Variants in CTNND2 observed in about 807,000 individuals in gnomAD.
CTNND2 encodes catenin delta 2, also known as catenin delta-2.
Under a neutral mutation model 144.4 loss-of-function variants are expected in CTNND2, and 22 were observed. The observed-to-expected ratio is 0.15, with a 90% CI of 0.11 to 0.22. The LOEUF (loss-of-function observed/expected upper bound fraction) is 0.22. Among genes scored for constraint, CTNND2 ranks in the 10% least tolerant of loss-of-function variants. The pLI is 1.00. For missense variants in CTNND2, 1,353 were observed against 1,618.8 expected (o/e 0.84, Z 2.82); for synonymous variants, 751 against 695.6 (o/e 1.08, Z -1.25).
At chr5:11,724,264 A>C (rs1368549020) in intron 2 of CTNND2, among the ~76,000 whole-genome samples, 1 of 152,028 alleles carries the variant, frequency 6.6e-6, no homozygotes, top group Non-Finnish European at 1.5e-5. Flanking sequence ...TCACCAAATC[A>C]CTGCAGCATT....
At chr5:11,722,450 A>G (rs1184311000) in intron 2 of CTNND2, among the ~76,000 whole-genome samples, 1 of 152,250 alleles carries the variant, frequency 6.6e-6, no homozygotes, top group Non-Finnish European at 1.5e-5. Flanking sequence ...AAAAGTGCCA[A>G]CAATAAAAGA....
At chr5:11,497,243 C>T (rs1455154574) in intron 3 of CTNND2, among the ~76,000 whole-genome samples, 3 of 150,980 alleles carry the variant, frequency 2.0e-5, no homozygotes. Context: ...TTTTTAATAC[C>T]ATACCAGGTA....
At chr5:11,205,628 T>C (rs1170375811) in intron 10 of CTNND2, among the ~76,000 whole-genome samples, 2 of 152,214 alleles carry the variant, frequency 1.3e-5, no homozygotes, top group East Asian at 3.8e-4. Flanking sequence ...TTACTCTTAT[T>C]GAAAAGCCAG....
chr5:11,782,460 A>C (rs903630965), intron 1 of CTNND2, among the ~76,000 whole-genome samples: 1 of 152,240 alleles, frequency 6.6e-6, no homozygotes, highest in African/African-American at 2.4e-5. Context: ...TCATGAGGGC[A>C]ATAAAGGTCT....
At chr5:11,510,743 C>A (rs916268874) in intron 3 of CTNND2, among the ~76,000 whole-genome samples, 3 of 152,048 alleles carry the variant, frequency 2.0e-5, no homozygotes, top group African/African-American at 7.2e-5. Context: ...CCAGCCTGGC[C>A]AACATGGTGA....
intron 9 of CTNND2, 24 bp downstream of exon 9, chr5:11,346,348 G>A: frequency 7.1e-7 from 1 of 1,413,384 alleles, no homozygotes; most frequent in Non-Finnish European, 9.3e-7. Flanking sequence ...GACATCATAG[G>A]GAAAGAAAAA....
At chr5:11,622,824 G>A (rs1027515669) in intron 2 of CTNND2, among the ~76,000 whole-genome samples, 4 of 151,996 alleles carry the variant, frequency 2.6e-5, no homozygotes, top group Non-Finnish European at 5.9e-5. Context: ...AAGCAAACAC[G>A]CAAGTAAAAC....
At chr5:11,619,642 G>A (rs774661081) in intron 2 of CTNND2, among the ~76,000 whole-genome samples, 27 of 152,112 alleles carry the variant, frequency 1.8e-4, no homozygotes, top group Non-Finnish European at 3.8e-4. Flanking sequence ...TTTGCATGAT[G>A]GCATAGAAAG....
At chr5:11,422,559 G>A (rs1175458667) in intron 3 of CTNND2, among the ~76,000 whole-genome samples, 3 of 152,168 alleles carry the variant, frequency 2.0e-5, no homozygotes, top group African/African-American at 7.2e-5. Flanking sequence ...CTGGACACAC[G>A]CGACTCCTGT....
chr5:11,413,091 G>T (rs1761671887), intron 3 of CTNND2, among the ~76,000 whole-genome samples: 2 of 152,106 alleles, frequency 1.3e-5, no homozygotes, highest in Admixed American at 1.3e-4. Context: ...CTGTTATGGG[G>T]TATCTTGCCC....
intron 9 of CTNND2, among the ~76,000 whole-genome samples, chr5:11,323,653 T>G (rs572404140): frequency 6.6e-6 from 1 of 152,312 alleles, no homozygotes; most frequent in South Asian, 2.1e-4. Context: ...TTAGACATGT[T>G]GGGTTTGAGA....
At position 11,771,211 on chromosome 5, in the gene CTNND2, G is replaced by GTTTTTTTTA. The variant is rs1302426806; in HGVS notation, c.38-38940_38-38939insTAAAAAAAA. Among the ~76,000 whole-genome samples the GTTTTTTTTA allele has an allele frequency of 5.7e-4, 72 of 125,306 alleles. 2 individuals carry two copies. Among genetic ancestry groups the GTTTTTTTTA allele is most frequent in the African/African-American group, 1.2e-3 (40 of 32,798 alleles). The allele number at this position is 125,306 out of a possible 152,430, so 82.2% of individuals were successfully genotyped here. ...TGTTAGCTTTTTTTTTTTTTTTTTG[G>GTTTTTTTTA]GATGGAGTCTCGCCCTGTCTCCCAG... On this transcript the variant is annotated intron_variant, in intron 1 of 21. Coordinates refer to ENST00000304623, the MANE Select transcript of CTNND2 (RefSeq NM_001332.4).
chr5:11,576,685 T>C (rs1777996296), intron 2 of CTNND2, among the ~76,000 whole-genome samples: 1 of 152,236 alleles, frequency 6.6e-6, no homozygotes, highest in African/African-American at 2.4e-5. Context: ...GATATTTTTA[T>C]CCTACATCAT....
chr5:11,421,382 C>T (rs886244593), intron 3 of CTNND2, among the ~76,000 whole-genome samples: 1 of 152,160 alleles, frequency 6.6e-6, no homozygotes, highest in East Asian at 1.9e-4. Context: ...GATTTCATGG[C>T]CACTGAATAC....
chr5:11,581,941 G>T (rs1306763799), intron 2 of CTNND2, among the ~76,000 whole-genome samples: 1 of 152,172 alleles, frequency 6.6e-6, no homozygotes, highest in Non-Finnish European at 1.5e-5. Context: ...TATCACAAAT[G>T]TTAGTACAGT....
Position 11,584,401 on chromosome 5 carries a change from A to G in CTNND2, c.175-19345T>C, listed in dbSNP as rs536216161. On this transcript the variant is annotated intron_variant, in intron 2 of 21. Transcript: ENST00000304623. ...CACTTAAAATTAGTTTTTGTTCTAT[A>G]TATACATATATATATATTTTTTTTG... 7.9e-4 allele frequency among the ~76,000 whole-genome samples: 102 copies of G among 129,298 alleles called. 1 individual carries two copies. Among genetic ancestry groups the G allele is most frequent in the African/African-American group, 2.8e-3 (97 of 34,876 alleles). 84.8% of individuals were successfully genotyped at this position (129,298 alleles called of 152,430 possible). A position where few individuals can be genotyped will look rare whatever the true frequency, so the allele number is the denominator to read the frequency against.
At chr5:11,322,164 T>C (rs28812) in intron 9 of CTNND2, among the ~76,000 whole-genome samples, 108,906 of 152,024 alleles carry the variant, frequency 0.72, 39,218 homozygotes, top group South Asian at 0.85. Flanking sequence ...ATTCTTCAAT[T>C]GCCTCATGCA....
intron 1 of CTNND2, among the ~76,000 whole-genome samples, chr5:11,857,064 T>C (rs1795286343): frequency 6.6e-6 from 1 of 152,234 alleles, no homozygotes; most frequent in Non-Finnish European, 1.5e-5. Flanking sequence ...ATTAAATATT[T>C]GAACTTAAAA....
intron 1 of CTNND2, among the ~76,000 whole-genome samples, chr5:11,759,650 T>G (rs1466053626): frequency 6.6e-6 from 1 of 152,162 alleles, no homozygotes; most frequent in Non-Finnish European, 1.5e-5. Flanking sequence ...TATCTATACA[T>G]GGATTGTTAT....
Sources: allele counts gnomAD v4.1 joint callset (sites outside exome capture counted in the v4.1 genomes callset), GRCh38; gene constraint gnomAD v4.1.1; transcripts MANE v1.5; gene names NCBI Gene and HGNC (gene_info 2026-07-23, HGNC 2026-07-21).